AFAP1: variants seen among roughly 807,000 people sequenced by gnomAD.
AFAP1 encodes the protein actin filament-associated protein 1.
In AFAP1, 75 loss-of-function variants were observed where a neutral mutation model predicts 93.9. The observed-to-expected ratio is 0.80, with a 90% confidence interval of 0.66 to 0.97. The LOEUF (loss-of-function observed/expected upper bound fraction) is 0.97. Ranked by LOEUF, AFAP1 falls within the 50% of genes least tolerant of loss-of-function variation. The probability of loss-of-function intolerance (pLI) is 0.00; values close to 1 mark genes in which losing one functional copy is unlikely to be tolerated. For missense variants in AFAP1, 1,201 were observed against 1,050.8 expected (o/e 1.14, Z -1.98); for synonymous variants, 517 against 430.7 (o/e 1.20, Z -2.48).
intron 3 of AFAP1, among the ~76,000 whole-genome samples, chr4:7,863,510 T>C (rs1430750244): frequency 2.0e-5 from 3 of 152,202 alleles, no homozygotes; most frequent in African/African-American, 7.2e-5. Context: ...TTTTAGCCTA[T>C]CCGAGTCTCC....
At chr4:7,907,645 C>T (rs554822834) in intron 1 of AFAP1, among the ~76,000 whole-genome samples, 1 of 152,148 alleles carries the variant, frequency 6.6e-6, no homozygotes, top group Non-Finnish European at 1.5e-5. Context: ...GCTGACGTGA[C>T]GCCCAATGAA....
chr4:7,892,420 T>C (rs1718523676), intron 1 of AFAP1, among the ~76,000 whole-genome samples: 1 of 152,006 alleles, frequency 6.6e-6, no homozygotes. Context: ...GAGAGAGCAG[T>C]TCACAGACCT....
intron 8 of AFAP1, among the ~76,000 whole-genome samples, chr4:7,813,945 T>C (rs527883753): frequency 2.4e-4 from 36 of 151,718 alleles, no homozygotes; most frequent in African/African-American, 8.7e-4. Context: ...ATTTGGGTGG[T>C]TGGATTACTC....
chr4:7,845,146 G>C lies in AFAP1; in HGVS notation c.335-1796C>G, dbSNP rs566746222. Among the ~76,000 whole-genome samples, 10 of 152,316 alleles carry C rather than the reference G, an allele frequency of 6.6e-5. No individual in the cohort carries two copies. In the South Asian group the frequency reaches 2.1e-3, roughly 32 times the overall value. On this transcript the variant is annotated intron_variant, in intron 4 of 17. Coordinates refer to ENST00000420658, the MANE Select transcript of AFAP1 (RefSeq NM_001134647.2). ...AATGAAAAGTTGTCCAGGAGGCCAGGTGTGGTGGCTCACACCTGTAATCGC... is the reference window on the plus strand; with the variant it reads ...AATGAAAAGTTGTCCAGGAGGCCAGCTGTGGTGGCTCACACCTGTAATCGC...
At chr4:7,797,556 A>G (rs73208810) in intron 10 of AFAP1, among the ~76,000 whole-genome samples, 24,619 of 152,194 alleles carry the variant, frequency 0.16, 2,115 homozygotes, top group African/African-American at 0.21. Flanking sequence ...TTCTACAGAA[A>G]AGCAGTCTCC....
chr4:7,836,136 A>T (rs755369197), intron 6 of AFAP1, among the ~76,000 whole-genome samples: 1 of 152,224 alleles, frequency 6.6e-6, no homozygotes, highest in Non-Finnish European at 1.5e-5. Flanking sequence ...TAAATGTAAG[A>T]GCTAACACTG....
intron 3 of AFAP1, among the ~76,000 whole-genome samples, chr4:7,867,843 T>C (rs1343218121): frequency 6.6e-6 from 1 of 151,874 alleles, no homozygotes; most frequent in Non-Finnish European, 1.5e-5. Flanking sequence ...TCTTGAGCAC[T>C]GTGGCAGGCC....
intron 3 of AFAP1, among the ~76,000 whole-genome samples, chr4:7,863,860 T>A: frequency 6.7e-6 from 1 of 150,230 alleles, no homozygotes; most frequent in Middle Eastern, 3.4e-3. Context: ...TAAAGTGCGG[T>A]TGTGCTTCAA....
chr4:7,820,058 T>C (rs949290823), intron 6 of AFAP1, among the ~76,000 whole-genome samples: 2 of 152,092 alleles, frequency 1.3e-5, no homozygotes, highest in African/African-American at 4.8e-5. Flanking sequence ...CGAAAAAGCA[T>C]AGGGAAATCC....
chr4:7,861,530 A>G (rs113769467), intron 3 of AFAP1, among the ~76,000 whole-genome samples: 5,204 of 152,352 alleles, frequency 0.034, 118 homozygotes, highest in Admixed American at 0.083. Context: ...TTGAGTAAAC[A>G]CTGGGAAGAT....
intron 4 of AFAP1, among the ~76,000 whole-genome samples, chr4:7,846,435 C>T (rs548178100): frequency 6.6e-6 from 1 of 152,278 alleles, no homozygotes; most frequent in Admixed American, 6.5e-5. Context: ...GTGCTACGAT[C>T]CAACGTAAAC....
At chr4:7,806,787 C>T (rs1319347496) in intron 9 of AFAP1, among the ~76,000 whole-genome samples, 1 of 152,182 alleles carries the variant, frequency 6.6e-6, no homozygotes, top group African/African-American at 2.4e-5. Flanking sequence ...AAGCTGTCCA[C>T]TAAGCAGTTT....
chr4:7,843,044 C>T (rs1713245523), intron 5 of AFAP1, 95 bp downstream of exon 5: 2 of 1,384,326 alleles, frequency 1.4e-6, no homozygotes, highest in African/African-American at 2.9e-5. Flanking sequence ...GCTGCCCTTC[C>T]TGCACAGCTG....
intron 4 of AFAP1, among the ~76,000 whole-genome samples, chr4:7,850,803 G>A (rs779068284): frequency 4.6e-5 from 7 of 152,226 alleles, no homozygotes; most frequent in African/African-American, 1.4e-4. Context: ...CATCTTGTGC[G>A]GGTCACTTGT....
chr4:7,913,919 G>C (rs75725823), intron 1 of AFAP1, among the ~76,000 whole-genome samples: 4,989 of 152,304 alleles, frequency 0.033, 120 homozygotes, highest in Admixed American at 0.081. Flanking sequence ...ACATATGTAA[G>C]GGGTACATAC....
At chr4:7,914,094 G>A (rs1191279013) in intron 1 of AFAP1, among the ~76,000 whole-genome samples, 4 of 149,120 alleles carry the variant, frequency 2.7e-5, no homozygotes, top group Admixed American at 6.7e-5. Flanking sequence ...ACACTCTGTC[G>A]CCCAGGCTGG....
intron 9 of AFAP1, among the ~76,000 whole-genome samples, chr4:7,807,582 G>A (rs1254178404): frequency 6.6e-6 from 1 of 152,220 alleles, no homozygotes; most frequent in Non-Finnish European, 1.5e-5. Flanking sequence ...CAGGGAGCTT[G>A]GAACGCACCA....
chr4:7,872,343 G>C (rs2149184642), intron 1 of AFAP1: 1 of 389,126 alleles, frequency 2.6e-6, no homozygotes, highest in South Asian at 5.0e-5. Flanking sequence ...CCAACAGATG[G>C]TGTGACAACC....
At chr4:7,915,596 T>G (rs1005547085) in intron 1 of AFAP1, among the ~76,000 whole-genome samples, 4 of 152,276 alleles carry the variant, frequency 2.6e-5, no homozygotes, top group Admixed American at 6.5e-5. Context: ...AGAGACAATC[T>G]GTGTTTAGTT....
Sources: allele counts gnomAD v4.1 joint callset (sites outside exome capture counted in the v4.1 genomes callset), GRCh38; gene constraint gnomAD v4.1.1; transcripts MANE v1.5; gene names NCBI Gene and HGNC (gene_info 2026-07-23, HGNC 2026-07-21).